Variants in ZBBX observed in about 807,000 individuals in gnomAD.
ZBBX encodes the protein zinc finger B-box domain-containing protein 1.
ZBBX carries 101 observed loss-of-function variants against 108.5 expected under a neutral mutation model. That is an observed-to-expected ratio of 0.93 (90% CI 0.79 to 1.10). ZBBX has a LOEUF of 1.10. ZBBX is among the 50% of genes least tolerant of loss of function. The probability of loss-of-function intolerance (pLI) is 0.00; values close to 1 mark genes in which losing one functional copy is unlikely to be tolerated. For synonymous variants in ZBBX, 356 were observed against 323.4 expected, an observed-to-expected ratio of 1.10 and a Z score of -1.08; for missense variants, 1,009 against 941.4, an observed-to-expected ratio of 1.07 and a Z score of -0.94.
intron 11 of ZBBX, among the ~76,000 whole-genome samples, chr3:167,326,943 A>G (rs1312707158): frequency 2.0e-5 from 3 of 152,054 alleles, no homozygotes; most frequent in African/African-American, 4.8e-5. Context: ...CAAGTAAGAT[A>G]CATGATTGAA....
chr3:167,403,466 A>G (rs1462900335), intron 1 of ZBBX, among the ~76,000 whole-genome samples: 1 of 152,176 alleles, frequency 6.6e-6, no homozygotes, highest in Non-Finnish European at 1.5e-5. Flanking sequence ...TGATACCAGT[A>G]GGAAATTCAG....
intron 1 of ZBBX, among the ~76,000 whole-genome samples, chr3:167,406,535 A>G (rs534965220): frequency 6.6e-6 from 1 of 152,350 alleles, no homozygotes; most frequent in Non-Finnish European, 1.5e-5. Context: ...CCTTGGCAAC[A>G]TGGCAAAACC....
At chr3:167,207,833 A>G in the ZBBX span, among the ~76,000 whole-genome samples, 1 of 152,218 alleles carries the variant, frequency 6.6e-6, no homozygotes, top group African/African-American at 2.4e-5. Context: ...CACATCAAAA[A>G]GCATGTTCAT....
chr3:167,226,719 G>C, the ZBBX span, among the ~76,000 whole-genome samples: 4 of 151,506 alleles, frequency 2.6e-5, no homozygotes, highest in Admixed American at 6.6e-5. Context: ...GATCTCAACT[G>C]AAATACAACA....
upstream of ZBBX, among the ~76,000 whole-genome samples, chr3:167,381,736 C>T (rs1747738699): frequency 6.6e-6 from 1 of 152,046 alleles, no homozygotes; most frequent in Non-Finnish European, 1.5e-5. Flanking sequence ...ATTGAAAGTC[C>T]ATTTCCTAGA....
chr3:167,343,977 T>A (rs1177107677), intron 9 of ZBBX, among the ~76,000 whole-genome samples: 2 of 151,852 alleles, frequency 1.3e-5, no homozygotes, highest in Admixed American at 6.6e-5. Context: ...CGAATATCCA[T>A]CAAATGATGA....
At chr3:167,212,158 C>T in the ZBBX span, among the ~76,000 whole-genome samples, 1 of 152,152 alleles carries the variant, frequency 6.6e-6, no homozygotes, top group African/African-American at 2.4e-5. Flanking sequence ...TGTTTTGCAG[C>T]CTTCACTGGT....
intron 11 of ZBBX, among the ~76,000 whole-genome samples, chr3:167,327,609 A>G (rs891820741): frequency 3.9e-5 from 6 of 152,102 alleles, no homozygotes; most frequent in African/African-American, 1.4e-4. Context: ...TCATTTTAAA[A>G]CATTCATGGT....
chr3:167,244,307 T>A (rs894747242), intron 20 of ZBBX, among the ~76,000 whole-genome samples: 1 of 152,182 alleles, frequency 6.6e-6, no homozygotes, highest in African/African-American at 2.4e-5. Context: ...CACCTTTACA[T>A]GTCCTAATGA....
intron 12 of ZBBX, among the ~76,000 whole-genome samples, chr3:167,320,794 TA>T (rs1447903403): frequency 7.0e-4 from 107 of 152,112 alleles, no homozygotes; most frequent in African/African-American, 2.4e-3. Context: ...CCTCACAGTG[TA>T]TAACCTCAGT....
At chr3:167,366,722 C>T (rs74477837) in intron 5 of ZBBX, 2 of 398,718 alleles carry the variant, frequency 5.0e-6, no homozygotes, top group African/African-American at 2.1e-5. Flanking sequence ...AAAACTCAGT[C>T]AAGCTTTAGA....
intron 9 of ZBBX, among the ~76,000 whole-genome samples, chr3:167,340,720 G>A (rs1312128639): frequency 6.6e-6 from 1 of 151,796 alleles, no homozygotes; most frequent in African/African-American, 2.4e-5. Context: ...GGGGGGTGCA[G>A]GGGAGTAAAC....
At chr3:167,357,116 G>A (rs1366394840) in intron 8 of ZBBX, among the ~76,000 whole-genome samples, 2 of 152,030 alleles carry the variant, frequency 1.3e-5, no homozygotes, top group Admixed American at 1.3e-4. Flanking sequence ...ATATAGATAG[G>A]GTCTTTAAAG....
At chr3:167,354,844 G>T (rs1252127186) in intron 8 of ZBBX, among the ~76,000 whole-genome samples, 1 of 151,894 alleles carries the variant, frequency 6.6e-6, no homozygotes, top group African/African-American at 2.4e-5. Flanking sequence ...TTTAGTAAAA[G>T]TAGCCAAACG....
chr3:167,375,598 G>GA (rs899830200), intron 2 of ZBBX, among the ~76,000 whole-genome samples: 28 of 143,950 alleles, frequency 1.9e-4, no homozygotes, highest in Admixed American at 5.6e-4. Context: ...TCTCAAAAAA[G>GA]AAAAAAAAAA....
intron 20 of ZBBX, among the ~76,000 whole-genome samples, chr3:167,261,176 G>A (rs1672889539): frequency 6.6e-6 from 1 of 152,176 alleles, no homozygotes; most frequent in Admixed American, 6.5e-5. Context: ...ATCCTATGAT[G>A]TGAACCATCT....
the ZBBX span, among the ~76,000 whole-genome samples, chr3:167,181,981 G>T: frequency 6.6e-6 from 1 of 152,258 alleles, no homozygotes; most frequent in African/African-American, 2.4e-5. Flanking sequence ...GGCCCCTCAT[G>T]GTGTTTCCCG....
At chr3:167,250,218 G>T (rs564484161) in intron 20 of ZBBX, among the ~76,000 whole-genome samples, 4 of 152,216 alleles carry the variant, frequency 2.6e-5, no homozygotes, top group Admixed American at 1.3e-4. Context: ...TTATAATAGA[G>T]ACAGGAGGCC....
the ZBBX span, among the ~76,000 whole-genome samples, chr3:167,206,329 G>T: frequency 2.0e-5 from 3 of 152,048 alleles, no homozygotes; most frequent in South Asian, 6.2e-4. Flanking sequence ...TTTAAAGGCA[G>T]AATAATATTA....
Sources: gnomAD v4.1 joint callset for allele counts (sites outside exome capture counted in the v4.1 genomes callset) on GRCh38, gnomAD v4.1.1 for gene constraint, MANE v1.5 for transcripts, NCBI Gene and HGNC (gene_info 2026-07-23, HGNC 2026-07-21) for gene names.